The following RARS2 variants were observed in gnomAD, a reference collection of about 807,000 sequenced individuals.
RARS2 encodes arginyl-tRNA synthetase 2, mitochondrial.
A neutral mutation model predicts 88.5 loss-of-function variants in RARS2; 67 were observed. The ratio of observed to expected loss-of-function variants is 0.76; its 90% CI spans 0.62 to 0.93. The LOEUF (loss-of-function observed/expected upper bound fraction) is 0.93. RARS2 is among the 40% of genes least tolerant of loss of function. The pLI is 0.00. For missense variants in RARS2, 664 were observed against 684.2 expected, an observed-to-expected ratio of 0.97 and a Z score of 0.33; for synonymous variants, 239 against 230.3, an observed-to-expected ratio of 1.04 and a Z score of -0.34.
At position 87,562,566 on chromosome 6, in the gene RARS2, C is replaced by T. The variant is rs905714091; in HGVS notation, c.297+136G>A. The stretch of plus-strand genomic sequence containing the variant: ...GTAGGTGTTAACTTGGGGTGGTACT[C>T]TCCAAGTTATGGATCAGTATGTGCA... On this transcript the variant is annotated intron_variant, in intron 4 of 19. Coordinates refer to ENST00000369536, the MANE Select transcript of RARS2 (RefSeq NM_020320.5). 3.0e-5 allele frequency: 21 copies of T among 700,662 alleles called. No individual in the cohort carries two copies. The Admixed American group carries it at 4.5e-4, about 15-fold the overall frequency. 43.4% of individuals were successfully genotyped at this position (700,662 alleles called of 1,614,324 possible). A position where few individuals can be genotyped will look rare whatever the true frequency, so the allele number is the denominator to read the frequency against.
chr6:87,520,162 G>C lies in RARS2; in HGVS notation c.1112+18C>G. The C allele has an allele frequency of 6.2e-7, 1 of 1,601,980 alleles. No individual in the cohort carries two copies. Among genetic ancestry groups the C allele is most frequent in the African/African-American group, 1.3e-5 (1 of 74,746 alleles). ...CAGCTGACCCTGCACAGACAATTAAGAACCATGCAGACATTACCTTTCTGC... is the reference window on the plus strand; with the variant it reads ...CAGCTGACCCTGCACAGACAATTAACAACCATGCAGACATTACCTTTCTGC... On this transcript the variant is annotated intron_variant, in intron 13 of 19. Coordinates refer to ENST00000369536, the MANE Select transcript of RARS2 (RefSeq NM_020320.5).
intron 1 of RARS2, chr6:87,584,791 T>C: frequency 2.2e-6 from 1 of 450,144 alleles, no homozygotes; most frequent in Non-Finnish European, 4.5e-6. Flanking sequence ...TGATGAATCC[T>C]TGTGCAGTTA....
rs569514535 is a variant in RARS2, at chr6:87,583,504, G to A, written c.36+6418C>T. Among the ~76,000 whole-genome samples the A allele has an allele frequency of 9.9e-5, 15 of 151,892 alleles. No homozygotes were observed. The South Asian group carries it at 2.3e-3, about 23-fold the overall frequency. On this transcript the variant is annotated intron_variant, in intron 1 of 19. Coordinates refer to ENST00000369536, the MANE Select transcript of RARS2 (RefSeq NM_020320.5). ...CCTGGGAGGCTGAGGCAGGAGAATCGCTTGAACCTGGGAGGTGGAGGTTGC... is the reference window on the plus strand; with the variant it reads ...CCTGGGAGGCTGAGGCAGGAGAATCACTTGAACCTGGGAGGTGGAGGTTGC...
At chr6:87,552,101 G>T (rs1406031336) in intron 5 of RARS2, among the ~76,000 whole-genome samples, 4 of 152,156 alleles carry the variant, frequency 2.6e-5, no homozygotes, top group Middle Eastern at 6.8e-3. Flanking sequence ...TAAGTATACA[G>T]GTTTCAGAAT....
At chr6:87,527,854 T>G (rs1361584975) in intron 10 of RARS2, among the ~76,000 whole-genome samples, 1 of 146,636 alleles carries the variant, frequency 6.8e-6, no homozygotes, top group Admixed American at 6.8e-5. Flanking sequence ...TAAGTGGGAG[T>G]TGAACAATGT....
At position 87,589,869 on chromosome 6, in the gene RARS2, C is replaced by T. The variant is rs1272961714; in HGVS notation, c.36+53G>A. ...GGACTGGCCCGCAGCGGTGAAAGGC[C>T]TTTGGGGTCCCTAGCTCCTCAGGGA... On this transcript the variant is annotated intron_variant, in intron 1 of 19. Transcript: ENST00000369536. 6 of 1,613,808 alleles carry T rather than the reference C, an allele frequency of 3.7e-6. No individual in the cohort carries two copies. In the African/African-American group the frequency reaches 8.0e-5, roughly 22 times the overall value.
rs774997689 is a variant in RARS2 at position 87,529,551 on chromosome 6, A to T, written c.869T>A (p.Leu290Gln). 6.4e-7 allele frequency: 1 copy of T among 1,563,880 alleles called. No homozygotes were observed. Among genetic ancestry groups the T allele is most frequent in the South Asian group, 1.1e-5 (1 of 89,996 alleles). The change falls in exon 10 of 20, where the codon CTG (leucine) becomes CAG (glutamine). Residue 290 changes from leucine (L) to glutamine (Q), a missense_variant. Leu to Gln is a moderately radical substitution (Grantham distance 113). Coordinates refer to ENST00000369536, the MANE Select transcript of RARS2 (RefSeq NM_020320.5). ...LKLLESKGLL[L>Q]KTIKGTAVVD... ...AGTAACCTGATCATACATTGTTTTC[A>T]GTAGGAGTCCTTTACTCTCCAGCAA...
chr6:87,552,252 A>G (rs1192109878), intron 5 of RARS2, among the ~76,000 whole-genome samples: 1 of 152,192 alleles, frequency 6.6e-6, no homozygotes, highest in Non-Finnish European at 1.5e-5. Context: ...AGGATACTAC[A>G]TATTTTAAAA....
chr6:87,537,803 T>C (rs575149627), intron 8 of RARS2, among the ~76,000 whole-genome samples: 2 of 152,332 alleles, frequency 1.3e-5, no homozygotes, highest in East Asian at 3.9e-4. Context: ...CCAACATTAT[T>C]TACCAATACA....
At chr6:87,573,852 C>G (rs1347576953) in intron 1 of RARS2, among the ~76,000 whole-genome samples, 3 of 152,094 alleles carry the variant, frequency 2.0e-5, no homozygotes, top group Non-Finnish European at 4.4e-5. Context: ...AGCAAATACA[C>G]AAGACAGAAA....
At chr6:87,568,199 G>GA (rs1232049040) in intron 2 of RARS2, among the ~76,000 whole-genome samples, 1 of 152,190 alleles carries the variant, frequency 6.6e-6, no homozygotes, top group Non-Finnish European at 1.5e-5. Context: ...CACATTAAAT[G>GA]AAAATGGAAA....
chr6:87,535,683 T>G (rs1190943661), intron 8 of RARS2, among the ~76,000 whole-genome samples: 8 of 148,744 alleles, frequency 5.4e-5, no homozygotes, highest in Admixed American at 2.0e-4. Context: ...TTTGTTTTTT[T>G]TTTTTTTTTT....
chr6:87,549,286 G>A (rs1783621975), intron 5 of RARS2, among the ~76,000 whole-genome samples: 2 of 151,782 alleles, frequency 1.3e-5, no homozygotes, highest in Admixed American at 1.3e-4. Flanking sequence ...AACCTGGGAG[G>A]CGGAGGTTGC....
Position 87,516,876 on chromosome 6 carries a change from C to T in RARS2, c.1516G>A (p.Asp506Asn), listed in dbSNP as rs1447207460. 9 of 1,613,514 alleles carry T rather than the reference C, an allele frequency of 5.6e-6. No individual in the cohort carries two copies. Among genetic ancestry groups the T allele is most frequent in the South Asian group, 1.1e-5 (1 of 91,036 alleles). The change falls in exon 18 of 20, where the codon GAC (aspartate) becomes AAC (asparagine). Residue 506 changes from aspartate (D) to asparagine (N), a missense_variant. Asp to Asn is a conservative substitution (Grantham distance 23). Transcript: ENST00000369536. Reference protein sequence around the residue: ...VSILQHLLRFDEVLYKSSQDF... With the variant: ...VSILQHLLRFNEVLYKSSQDF... ...TGAGATGATTTATAAAGCACCTCGT[C>T]GAACCTAAAAGATGACAGGAACAGT...
chr6:87,539,036 A>AC (rs145546279), intron 8 of RARS2, among the ~76,000 whole-genome samples: 1 of 143,300 alleles, frequency 7.0e-6, no homozygotes, highest in Admixed American at 6.8e-5. Context: ...CCTGTCTCAC[A>AC]TAAATAAATA....
intron 1 of RARS2, among the ~76,000 whole-genome samples, chr6:87,571,647 G>T (rs1262850644): frequency 1.3e-5 from 2 of 152,194 alleles, no homozygotes; most frequent in African/African-American, 4.8e-5. Flanking sequence ...AAGAGTTTAA[G>T]AAGAAATCAT....
chr6:87,555,340 T>G, intron 5 of RARS2, 68 bp downstream of exon 5: 1 of 1,192,534 alleles, frequency 8.4e-7, no homozygotes, highest in South Asian at 1.2e-5. Context: ...CCCCAAATAA[T>G]GATGGTAATA....
chr6:87,586,905 T>G (rs573869609), intron 1 of RARS2, among the ~76,000 whole-genome samples: 11 of 151,720 alleles, frequency 7.3e-5, no homozygotes, highest in African/African-American at 2.7e-4. Context: ...TATTTATTTA[T>G]TTATTTATTT....
At chr6:87,540,216 G>A (rs886377134) in intron 8 of RARS2, among the ~76,000 whole-genome samples, 10 of 151,850 alleles carry the variant, frequency 6.6e-5, no homozygotes, top group African/African-American at 1.5e-4. Flanking sequence ...TTGGGAGGCC[G>A]AGGTGGGCTG....
Sources: allele counts gnomAD v4.1 joint callset (sites outside exome capture counted in the v4.1 genomes callset), GRCh38; gene constraint gnomAD v4.1.1; transcripts MANE v1.5; gene names NCBI Gene and HGNC (gene_info 2026-07-23, HGNC 2026-07-21).